The following SLC37A2 variants were observed in gnomAD, a reference collection of about 807,000 sequenced individuals.
SLC37A2 encodes the protein glucose-6-phosphate exchanger SLC37A2.
Under a neutral mutation model 70.7 loss-of-function variants are expected in SLC37A2, and 59 were observed. That is an observed-to-expected ratio of 0.83 (90% confidence interval 0.68 to 1.04). The LOEUF (loss-of-function observed/expected upper bound fraction) is 1.04, where lower values mean the gene tolerates loss of function less well. Ranked by LOEUF, SLC37A2 falls within the 50% of genes least tolerant of loss-of-function variation. SLC37A2 has a pLI of 0.00. For missense variants in SLC37A2, 580 were observed against 658.1 expected, an observed-to-expected ratio of 0.88 and a Z score of 1.30; for synonymous variants, 257 against 262.1, an observed-to-expected ratio of 0.98 and a Z score of 0.19.
intron 2 of SLC37A2, 122 bp downstream of exon 2, chr11:125,076,960 TCC>T: frequency 1.1e-6 from 1 of 939,190 alleles, no homozygotes; most frequent in Non-Finnish European, 1.7e-6. Flanking sequence ...GTGGCTGTCT[TCC>T]CCAGGAGCTC....
chr11:125,077,147 G>T lies in SLC37A2; in HGVS notation c.142-83G>T, dbSNP rs1467903351. On this transcript the variant is annotated intron_variant, in intron 2 of 17. Transcript: ENST00000403796. ...GGGACATAGAATCTGGTAGGAGGCA[G>T]TGTCTCCAGTATGGTTGGGGCAGGT... 2.8e-6 allele frequency: 3 copies of T among 1,072,772 alleles called. No individual in the cohort carries two copies. In the Admixed American group the frequency reaches 6.8e-5, roughly 24 times the overall value. 66.5% of individuals were successfully genotyped at this position (1,072,772 alleles called of 1,614,324 possible).
chr11:125,081,932 A>G lies in SLC37A2; in HGVS notation c.885+26A>G, dbSNP rs751339071. ...GTAAGAAGTTTGTGGAATGGAGGAAAGAGAGGGGCTTTCCAGATTTTTTCT... is the reference window on the plus strand; with the variant it reads ...GTAAGAAGTTTGTGGAATGGAGGAAGGAGAGGGGCTTTCCAGATTTTTTCT... On this transcript the variant is annotated intron_variant, in intron 9 of 17. Transcript: ENST00000403796. 6.3e-6 allele frequency: 10 copies of G among 1,576,018 alleles called. No homozygotes were observed. In the South Asian group the frequency reaches 1.0e-4, roughly 16 times the overall value.
At chr11:125,070,049 G>T (rs1212499301) in intron 1 of SLC37A2, among the ~76,000 whole-genome samples, 1 of 152,234 alleles carries the variant, frequency 6.6e-6, no homozygotes, top group East Asian at 1.9e-4. Context: ...GGGGCCCTCT[G>T]AGGGGGATGG....
At position 125,088,420 on chromosome 11, in the gene SLC37A2, G is replaced by T; in HGVS notation, c.*286G>T. ...TGTGTCTCCATTTTGATAAGGAAAG[G>T]ATATGCTCAGACTCTTGCTTGTTCA... On this transcript the variant is annotated 3_prime_UTR_variant, in exon 18 of 18. Coordinates refer to ENST00000403796, the MANE Select transcript of SLC37A2 (RefSeq NM_001145290.2). 1 of 464,564 alleles carries T rather than the reference G, an allele frequency of 2.2e-6. No homozygotes were observed. The highest frequency in any genetic ancestry group is 3.6e-5 in the South Asian group (1 of 27,936). 28.8% of individuals were successfully genotyped at this position (464,564 alleles called of 1,614,324 possible).
chr11:125,076,278 G>T (rs945766577), intron 1 of SLC37A2, among the ~76,000 whole-genome samples: 1 of 152,144 alleles, frequency 6.6e-6, no homozygotes, highest in African/African-American at 2.4e-5. Context: ...AGGAGGTGCT[G>T]TGTCTGCCCT....
chr11:125,068,161 C>T (rs1317665946), intron 1 of SLC37A2, among the ~76,000 whole-genome samples: 1 of 152,224 alleles, frequency 6.6e-6, no homozygotes, highest in African/African-American at 2.4e-5. Flanking sequence ...TATTCCCCAA[C>T]ATCTCTGGGA....
intron 1 of SLC37A2, among the ~76,000 whole-genome samples, chr11:125,075,445 C>A (rs1591629839): frequency 6.6e-6 from 1 of 152,252 alleles, no homozygotes; most frequent in East Asian, 1.9e-4. Flanking sequence ...CTGTGACCCA[C>A]ATGTGTGCCT....
At chr11:125,079,322 G>T in intron 5 of SLC37A2, 75 bp downstream of exon 5, 2 of 1,590,146 alleles carry the variant, frequency 1.3e-6, no homozygotes, top group Non-Finnish European at 1.7e-6. Context: ...GCTCACAGCG[G>T]GTGGGAGCCT....
At chr11:125,073,002 C>T (rs1949045234) in intron 1 of SLC37A2, among the ~76,000 whole-genome samples, 1 of 152,202 alleles carries the variant, frequency 6.6e-6, no homozygotes, top group East Asian at 1.9e-4. Context: ...CCTCAAGACT[C>T]ATGACTCTCC....
intron 7 of SLC37A2, among the ~76,000 whole-genome samples, chr11:125,081,040 T>C (rs1565398524): frequency 1.3e-5 from 2 of 151,990 alleles, no homozygotes; most frequent in Non-Finnish European, 1.5e-5. Context: ...TTGGCAAGCA[T>C]TGGTTGAATC....
Position 125,088,237 on chromosome 11 carries a change from T to A in SLC37A2, c.*103T>A, listed in dbSNP as rs996884912. ...TTCCACAAGCAGGGAAGGCAAACCCTCTTTATTGAACATTAGCCAGCCCAG... is the reference window on the plus strand; with the variant it reads ...TTCCACAAGCAGGGAAGGCAAACCCACTTTATTGAACATTAGCCAGCCCAG... On this transcript the variant is annotated 3_prime_UTR_variant, in exon 18 of 18. Transcript: ENST00000403796. The A allele has an allele frequency of 7.3e-7, 1 of 1,371,436 alleles. No homozygotes were observed. The highest frequency in any genetic ancestry group is 1.0e-6 in the Non-Finnish European group (1 of 985,624). The allele number at this position is 1,371,436 out of a possible 1,614,324, so 85.0% of individuals were successfully genotyped here. A position where few individuals can be genotyped will look rare whatever the true frequency, so the allele number is the denominator to read the frequency against.
chr11:125,067,097 A>C (rs1458023479), intron 1 of SLC37A2, among the ~76,000 whole-genome samples: 2 of 152,158 alleles, frequency 1.3e-5, no homozygotes, highest in African/African-American at 2.4e-5. Context: ...CTCTTGCCTG[A>C]GCCTCCTAAG....
rs2135555083 is a variant in SLC37A2, at chr11:125,063,465, T to C, written c.59+39T>C. The C allele has an allele frequency of 6.3e-7, 1 of 1,584,352 alleles. No individual in the cohort carries two copies. The highest frequency in any genetic ancestry group is 8.6e-7 in the Non-Finnish European group (1 of 1,163,680). ...GGGAGGGAGGCGTGCCGGGACCTCC[T>C]GGGCTCGGGGCTTGCAGGGGCCGCG... On this transcript the variant is annotated intron_variant, in intron 1 of 17. Coordinates refer to ENST00000403796, the MANE Select transcript of SLC37A2 (RefSeq NM_001145290.2). This position sits in a 1 kb window ranked among gnomAD's most constrained non-coding sequence, Gnocchi z 5.4.
chr11:125,066,329 T>C (rs1177016711), intron 1 of SLC37A2, among the ~76,000 whole-genome samples: 4 of 152,174 alleles, frequency 2.6e-5, no homozygotes, highest in Non-Finnish European at 4.4e-5. Flanking sequence ...TTAAGCCCAA[T>C]AGTGTGGGAC....
rs530446789 is a variant in SLC37A2 at position 125,063,734 on chromosome 11, G to A, written c.59+308G>A. ...CATCCTCCCCTCCTAACACACATCC[G>A]GGGCGCCTTCAGAGCGCCTTTCTGT... On this transcript the variant is annotated intron_variant, in intron 1 of 17. Transcript: ENST00000403796. The surrounding 1 kb of genome is among the most constrained non-coding windows in gnomAD (Gnocchi z 5.4). Among the ~76,000 whole-genome samples the A allele has an allele frequency of 1.4e-4, 22 of 152,328 alleles. No homozygotes were observed. The highest frequency in any genetic ancestry group is 3.8e-4 in the African/African-American group (16 of 41,582).
rs547168950 is a variant in SLC37A2 at position 125,085,684 on chromosome 11, T to A, written c.1425+10T>A. On this transcript the variant is annotated intron_variant, in intron 16 of 17. Coordinates refer to ENST00000403796, the MANE Select transcript of SLC37A2 (RefSeq NM_001145290.2). ...CGTCCTAGCCTGCTTGGTAAGAGTC[T>A]TGGGGTACACAGATAGGTATTGAGG... 1.7e-5 allele frequency: 27 copies of A among 1,611,116 alleles called. No homozygotes were observed. In the South Asian group the frequency reaches 2.9e-4, roughly 17 times the overall value.
rs886657103 is a variant in SLC37A2, at chr11:125,090,491, T to G, written c.*2357T>G. 3.3e-5 allele frequency among the ~76,000 whole-genome samples: 5 copies of G among 152,216 alleles called. No homozygotes were observed. Among genetic ancestry groups the G allele is most frequent in the African/African-American group, 1.2e-4 (5 of 41,448 alleles). On this transcript the variant is annotated 3_prime_UTR_variant, in exon 18 of 18. Transcript: ENST00000403796. ...CTTCCACGCTGTGGGAGCTTTGTTC[T>G]TTGCAATAAATCTTGCTACTGCTCA...
chr11:125,082,885 C>G (rs1405996857), intron 10 of SLC37A2, among the ~76,000 whole-genome samples: 3 of 152,194 alleles, frequency 2.0e-5, no homozygotes, highest in Non-Finnish European at 2.9e-5. Context: ...CCCGTCTGCT[C>G]CTGCCCAGGG....
rs757669973 is a variant in SLC37A2, at chr11:125,080,605, C to G, written c.528-9C>G. 6.8e-7 allele frequency: 1 copy of G among 1,478,802 alleles called. No homozygotes were observed. The highest frequency in any genetic ancestry group is 2.3e-5 in the Admixed American group (1 of 42,888). 91.6% of individuals were successfully genotyped at this position (1,478,802 alleles called of 1,614,324 possible). A position where few individuals can be genotyped will look rare whatever the true frequency, so the allele number is the denominator to read the frequency against. On this transcript the variant is annotated splice_polypyrimidine_tract_variant and intron_variant, in intron 6 of 17. Coordinates refer to ENST00000403796, the MANE Select transcript of SLC37A2 (RefSeq NM_001145290.2). This position sits in a 1 kb window ranked among gnomAD's most constrained non-coding sequence, Gnocchi z 4.3. Reference sequence around the variant, plus strand: ...TTTATACCTCTTCCCTTCTCTCCCTCCCTTCCAGGCGGGGGTTCATCATGG... The same window carrying G: ...TTTATACCTCTTCCCTTCTCTCCCTGCCTTCCAGGCGGGGGTTCATCATGG...
Sources: allele counts gnomAD v4.1 joint callset (sites outside exome capture counted in the v4.1 genomes callset), GRCh38; gene constraint gnomAD v4.1.1; non-coding constraint Gnocchi (gnomAD v3.1); transcripts MANE v1.5; gene names NCBI Gene and HGNC (gene_info 2026-07-23, HGNC 2026-07-21).